NCOR1: variants seen among roughly 807,000 people sequenced by gnomAD.
NCOR1 encodes the protein protein phosphatase 1, regulatory subunit 109.
A neutral mutation model predicts 288.1 loss-of-function variants in NCOR1; 63 were observed. The observed-to-expected ratio is 0.22, with a 90% confidence interval of 0.18 to 0.27. NCOR1 has a LOEUF of 0.27. NCOR1 is among the 10% of genes least tolerant of loss of function. The pLI, the probability that NCOR1 is intolerant of heterozygous loss-of-function variation, is 1.00. For missense variants in NCOR1, 2,397 were observed against 3,019.2 expected, an observed-to-expected ratio of 0.79 and a Z score of 4.83; for synonymous variants, 1,007 against 1,065.9, an observed-to-expected ratio of 0.94 and a Z score of 1.08.
intron 1 of NCOR1, among the ~76,000 whole-genome samples, chr17:16,199,462 T>C (rs2090461334): frequency 6.6e-6 from 1 of 152,134 alleles, no homozygotes; most frequent in Admixed American, 6.5e-5. Flanking sequence ...AAAGATACAA[T>C]GGAGAAACAT....
At chr17:16,121,800 T>C (rs751679962) in intron 15 of NCOR1, among the ~76,000 whole-genome samples, 8 of 152,216 alleles carry the variant, frequency 5.3e-5, no homozygotes, top group Non-Finnish European at 1.2e-4. Context: ...TCATGTCTGA[T>C]ACTAATTATG....
At chr17:16,143,505 A>G (rs2077434528) in intron 11 of NCOR1, 101 bp downstream of exon 11, 5 of 875,312 alleles carry the variant, frequency 5.7e-6, no homozygotes, top group Non-Finnish European at 1.8e-6. Context: ...CTAGCACTCA[A>G]TTAAGTTCCC....
At chr17:16,052,101 C>T (rs1289958017) in intron 40 of NCOR1, among the ~76,000 whole-genome samples, 12 of 151,340 alleles carry the variant, frequency 7.9e-5, no homozygotes, top group South Asian at 6.4e-4. Context: ...CTCCGCCTCC[C>T]GGGTTCACGC....
At chr17:16,055,298 G>A (rs1467269277) in intron 40 of NCOR1, among the ~76,000 whole-genome samples, 2 of 152,206 alleles carry the variant, frequency 1.3e-5, no homozygotes, top group Non-Finnish European at 2.9e-5. Flanking sequence ...TGATTGACTG[G>A]ATAAAGACAA....
At chr17:16,060,407 C>T (rs898375451) in intron 37 of NCOR1, among the ~76,000 whole-genome samples, 7 of 152,184 alleles carry the variant, frequency 4.6e-5, no homozygotes, top group Non-Finnish European at 8.8e-5. Flanking sequence ...CCCAGTGTGC[C>T]GGTGACTTCC....
Position 16,121,235 on chromosome 17 carries a change from T to C in NCOR1, c.1669A>G (p.Thr557Ala). 2 of 1,614,066 alleles carry C rather than the reference T, an allele frequency of 1.2e-6. No homozygotes were observed. Among genetic ancestry groups the C allele is most frequent in the Non-Finnish European group, 8.5e-7 (1 of 1,180,046 alleles). ...NTKEKDKIDG[T>A]AEETEEREQA... ...TCTCTTTCCTCAGTTTCTTCTGCTG[T>C]ACCATCTATCTTGTCCTTTTCCTTG... Residue 557 changes from threonine (T) to alanine (A), a missense_variant, in exon 16 of 46, where the codon ACA (threonine) becomes GCA (alanine). By Grantham distance (58) the Thr-to-Ala change is moderately conservative. This residue lies in a region of NCOR1 where 113 missense variants were observed against 139.5 expected (regional missense o/e 0.81). Transcript: ENST00000268712.
intron 18 of NCOR1, among the ~76,000 whole-genome samples, chr17:16,117,628 G>A (rs2071962342): frequency 6.6e-6 from 1 of 151,530 alleles, no homozygotes; most frequent in African/African-American, 2.4e-5. Flanking sequence ...TTCGAGACCA[G>A]CCTGGCCAAC....
intron 1 of NCOR1, among the ~76,000 whole-genome samples, chr17:16,204,847 A>G (rs182772420): frequency 6.6e-6 from 1 of 152,378 alleles, no homozygotes; most frequent in Non-Finnish European, 1.5e-5. Context: ...GTCCCACAGC[A>G]GCATGGTGCT....
At chr17:16,136,378 G>A (rs1170432376) in intron 14 of NCOR1, among the ~76,000 whole-genome samples, 1 of 152,152 alleles carries the variant, frequency 6.6e-6, no homozygotes, top group African/African-American at 2.4e-5. Context: ...TGTAAAGACA[G>A]GATGGGTCTC....
chr17:16,080,815 C>A (rs2152819030), intron 23 of NCOR1, 88 bp from the exon 24 acceptor site: 9 of 1,231,106 alleles, frequency 7.3e-6, no homozygotes, highest in Non-Finnish European at 9.9e-6. Context: ...ATTCCCATTT[C>A]TGTTTAAAAA....
rs760885563 is a variant in NCOR1, at chr17:16,057,726, T to G, written c.6180A>C (p.Thr2060=). 2.5e-6 allele frequency: 4 copies of G among 1,613,828 alleles called. No individual in the cohort carries two copies. In the African/African-American group the frequency reaches 5.3e-5, roughly 22 times the overall value. ...TLADHICQII[T]QDFARNQVSS... is the part of the protein sequence containing the mutation. ...AAACTTGATTTCTAGCAAAATCTTG[T>G]GTGATAATTTGCTGTGAATGAGAAA... Residue 2060 remains threonine (T), a synonymous_variant, in exon 40 of 46, where the codon ACA becomes ACC. Coordinates refer to ENST00000268712, the MANE Select transcript of NCOR1 (RefSeq NM_006311.4).
intron 5 of NCOR1, among the ~76,000 whole-genome samples, chr17:16,160,544 C>T (rs2080620641): frequency 6.6e-5 from 10 of 152,182 alleles, no homozygotes; most frequent in Non-Finnish European, 1.5e-5. Flanking sequence ...GTAATCCCAG[C>T]ACTTTGGGAG....
rs1380759171 is a variant in NCOR1 at position 16,138,992 on chromosome 17, T to G, written c.1352+16A>C. On this transcript the variant is annotated intron_variant, in intron 12 of 45. Coordinates refer to ENST00000268712, the MANE Select transcript of NCOR1 (RefSeq NM_006311.4). Reference sequence around the variant, plus strand: ...ATGTAGATGTCTATTAGAGAATAATTTAAAATATAAATTACTTGTCCTTAA... The same window carrying G: ...ATGTAGATGTCTATTAGAGAATAATGTAAAATATAAATTACTTGTCCTTAA... The G allele has an allele frequency of 6.7e-7, 1 of 1,488,666 alleles. No individual in the cohort carries two copies. Among genetic ancestry groups the G allele is most frequent in the Non-Finnish European group, 9.0e-7 (1 of 1,108,206 alleles). 92.2% of individuals were successfully genotyped at this position (1,488,666 alleles called of 1,614,324 possible).
intron 3 of NCOR1, among the ~76,000 whole-genome samples, chr17:16,174,571 T>G (rs1475338941): frequency 6.6e-6 from 1 of 152,198 alleles, no homozygotes; most frequent in East Asian, 1.9e-4. Context: ...GGAATGCTCT[T>G]TTTCTATCTA....
intron 3 of NCOR1, 40 bp downstream of exon 3, chr17:16,186,514 A>G: frequency 6.3e-7 from 1 of 1,587,510 alleles, no homozygotes; most frequent in Non-Finnish European, 8.6e-7. Flanking sequence ...ATACTTCACA[A>G]TTATAATCCT....
In NCOR1 at chr17:16,188,882, AG is replaced by A. The variant is rs2087414261; in HGVS notation, c.109-2196del. The stretch of plus-strand genomic sequence containing the variant: ...TCTACTAAAAATACAAAAACTAGCC[AG>A]GCATGGTGGCAGGCACATGTAATCC... On this transcript the variant is annotated intron_variant, in intron 2 of 45. Transcript: ENST00000268712. 2.0e-5 allele frequency among the ~76,000 whole-genome samples: 3 copies of A among 151,376 alleles called. No individual in the cohort carries two copies. The South Asian group carries it at 6.3e-4, about 32-fold the overall frequency.
intron 37 of NCOR1, among the ~76,000 whole-genome samples, 182 bp downstream of exon 37, chr17:16,061,218 AG>A (rs1380062830): frequency 6.6e-6 from 1 of 152,224 alleles, no homozygotes; most frequent in Admixed American, 6.5e-5. Flanking sequence ...ATACATTGAT[AG>A]GCTTATATGT....
In NCOR1 at chr17:16,092,676, TATATATATATA is replaced by T. The variant is rs1567958578; in HGVS notation, c.2821-629_2821-619del. Reference sequence around the variant, plus strand: ...ATATATATATATATATATATATATATATATATATATATATATATATTTTTTTTTTTTTTTTT... The same window carrying T: ...ATATATATATATATATATATATATATTATATATATTTTTTTTTTTTTTTTT... On this transcript the variant is annotated intron_variant, in intron 21 of 45. Coordinates refer to ENST00000268712, the MANE Select transcript of NCOR1 (RefSeq NM_006311.4). 3.7e-3 allele frequency among the ~76,000 whole-genome samples: 87 copies of T among 23,786 alleles called. 5 individuals are homozygous for T. Among genetic ancestry groups the T allele is most frequent in the African/African-American group, 0.019 (78 of 4,006 alleles). The allele number at this position is 23,786 out of a possible 152,430, so 15.6% of individuals were successfully genotyped here. A position where few individuals can be genotyped will look rare whatever the true frequency, so the allele number is the denominator to read the frequency against.
At chr17:16,058,679 T>A (rs2157990) in intron 37 of NCOR1, 80 bp from the exon 38 acceptor site, 740,360 of 1,362,106 alleles carry the variant, frequency 0.54, 206,487 homozygotes, top group African/African-American at 0.67. Flanking sequence ...CCTGTAGCAT[T>A]TTTTCAATTC....
Sources: allele counts gnomAD v4.1 joint callset (sites outside exome capture counted in the v4.1 genomes callset), GRCh38; gene constraint gnomAD v4.1.1; regional missense constraint gnomAD v4.1.1; transcripts MANE v1.5; gene names NCBI Gene and HGNC (gene_info 2026-07-23, HGNC 2026-07-21).